Variants in NFIA observed in about 807,000 individuals in gnomAD.
NFIA encodes nuclear factor I A.
NFIA carries 8 observed loss-of-function variants against 62.8 expected under a neutral mutation model. The ratio of observed to expected loss-of-function variants is 0.13; its 90% CI spans 0.07 to 0.23. The LOEUF (loss-of-function observed/expected upper bound fraction) is 0.23, where lower values mean the gene tolerates loss of function less well. Ranked by LOEUF, NFIA falls within the 10% of genes least tolerant of loss-of-function variation. The pLI, the probability that NFIA is intolerant of heterozygous loss-of-function variation, is 1.00. For missense variants in NFIA, 410 were observed against 642.1 expected, an observed-to-expected ratio of 0.64 and a Z score of 3.91; for synonymous variants, 235 against 238.1, an observed-to-expected ratio of 0.99 and a Z score of 0.12.
rs149437799 is a variant in NFIA, at chr1:61,245,424, C to T, written c.560-32096C>T. Among the ~76,000 whole-genome samples, 247 of 151,972 alleles carry T rather than the reference C, an allele frequency of 1.6e-3. 1 individual carries two copies. The highest frequency in any genetic ancestry group is 5.6e-3 in the African/African-American group (233 of 41,486). ...CAAAATGTTTTCCATATATTATGGT[C>T]GAAGCTTTTGTTCTTCAGGGGAAAA... On this transcript the variant is annotated intron_variant, in intron 2 of 10. Transcript: ENST00000403491.
chr1:61,430,105 A>G (rs957667047), intron 10 of NFIA, among the ~76,000 whole-genome samples: 1 of 152,224 alleles, frequency 6.6e-6, no homozygotes, highest in Admixed American at 6.5e-5. Flanking sequence ...CACAATTTTT[A>G]AAACGTGATC....
intron 2 of NFIA, among the ~76,000 whole-genome samples, chr1:61,196,105 G>A (rs1333590677): frequency 1.3e-5 from 2 of 152,172 alleles, no homozygotes; most frequent in Non-Finnish European, 2.9e-5. Context: ...AGTTTGCTTT[G>A]TAGGTATGTT....
chr1:61,081,574 C>T (rs565564297), upstream of NFIA, among the ~76,000 whole-genome samples: 3 of 152,260 alleles, frequency 2.0e-5, no homozygotes, highest in Admixed American at 2.0e-4. Flanking sequence ...TAAAAGATGT[C>T]ACAGCTAAAC....
At chr1:61,231,833 A>G (rs1387502376) in intron 2 of NFIA, among the ~76,000 whole-genome samples, 2 of 151,786 alleles carry the variant, frequency 1.3e-5, no homozygotes, top group South Asian at 2.1e-4. Context: ...CAGAGAGACC[A>G]TGCCTCAGTG....
intron 2 of NFIA, among the ~76,000 whole-genome samples, chr1:61,162,074 T>A (rs1649246433): frequency 6.6e-6 from 1 of 152,244 alleles, no homozygotes; most frequent in Non-Finnish European, 1.5e-5. Context: ...GAATGTTTCC[T>A]TCAGGACCAA....
intron 2 of NFIA, among the ~76,000 whole-genome samples, chr1:61,262,257 C>T (rs577452421): frequency 9.2e-5 from 14 of 152,206 alleles, no homozygotes; most frequent in African/African-American, 3.4e-4. Context: ...TGTGCAAGTA[C>T]CAGCTTTTCA....
At chr1:61,180,609 G>A (rs1473210238) in intron 2 of NFIA, among the ~76,000 whole-genome samples, 1 of 152,086 alleles carries the variant, frequency 6.6e-6, no homozygotes, top group African/African-American at 2.4e-5. Flanking sequence ...CAGAAGTCTT[G>A]GGACTCTCAA....
chr1:61,364,189 T>C (rs1440644452), intron 6 of NFIA, among the ~76,000 whole-genome samples: 5 of 152,096 alleles, frequency 3.3e-5, no homozygotes, highest in African/African-American at 1.2e-4. Context: ...CAAGTGATCC[T>C]CCTGCCTCAG....
intron 5 of NFIA, among the ~76,000 whole-genome samples, chr1:61,356,471 A>C (rs538648871): frequency 6.6e-6 from 1 of 152,340 alleles, no homozygotes; most frequent in East Asian, 1.9e-4. Flanking sequence ...TTATGCCTTA[A>C]GTTTAGCCCT....
At chr1:61,377,046 G>A (rs1203723668) in intron 6 of NFIA, among the ~76,000 whole-genome samples, 5 of 151,542 alleles carry the variant, frequency 3.3e-5, no homozygotes, top group Non-Finnish European at 7.4e-5. Context: ...GTGAAACCCT[G>A]TATCTACTAA....
intron 3 of NFIA, among the ~76,000 whole-genome samples, chr1:61,297,439 A>G (rs1659246910): frequency 6.6e-6 from 1 of 152,192 alleles, no homozygotes; most frequent in Middle Eastern, 3.2e-3. Context: ...AAACAGAAAA[A>G]TAGCCCCATT....
intron 3 of NFIA, among the ~76,000 whole-genome samples, chr1:61,288,315 A>G (rs896284427): frequency 2.6e-5 from 4 of 152,188 alleles, no homozygotes; most frequent in African/African-American, 7.2e-5. Flanking sequence ...AGAAGGGGCC[A>G]TATTTTTCAT....
At chr1:61,429,625 T>C (rs1054825658) in intron 10 of NFIA, among the ~76,000 whole-genome samples, 3 of 152,216 alleles carry the variant, frequency 2.0e-5, no homozygotes, top group African/African-American at 7.2e-5. Flanking sequence ...CTTGTGGTTG[T>C]AGCAGCATTC....
intron 2 of NFIA, among the ~76,000 whole-genome samples, chr1:61,131,228 C>T (rs1231250578): frequency 6.6e-6 from 1 of 150,812 alleles, no homozygotes; most frequent in Non-Finnish European, 1.5e-5. Context: ...ATGCATTTTC[C>T]AGCAACTGGA....
At chr1:61,318,685 T>G (rs1660502023) in intron 3 of NFIA, among the ~76,000 whole-genome samples, 1 of 152,228 alleles carries the variant, frequency 6.6e-6, no homozygotes, top group African/African-American at 2.4e-5. Flanking sequence ...CAATCTGTCC[T>G]GTGGCTTGTT....
chr1:61,244,458 G>A (rs1175976092), intron 2 of NFIA, among the ~76,000 whole-genome samples: 1 of 152,186 alleles, frequency 6.6e-6, no homozygotes, highest in African/African-American at 2.4e-5. Context: ...GCCTGGGTCT[G>A]CCAGGATAGG....
intron 6 of NFIA, among the ~76,000 whole-genome samples, chr1:61,379,321 C>T (rs114939720): frequency 0.07 from 10,503 of 150,036 alleles, 473 homozygotes; most frequent in Admixed American, 0.11. Context: ...CTCCTGGGTT[C>T]ATGTGATCCT....
chr1:61,259,844 A>G (rs1293793167), intron 2 of NFIA, among the ~76,000 whole-genome samples: 2 of 152,226 alleles, frequency 1.3e-5, no homozygotes, highest in Non-Finnish European at 2.9e-5. Context: ...ATGTTTTTAA[A>G]TGACAATTGA....
chr1:61,157,191 T>C (rs1017657964), intron 2 of NFIA, among the ~76,000 whole-genome samples: 4 of 152,230 alleles, frequency 2.6e-5, no homozygotes, highest in African/African-American at 7.2e-5. Flanking sequence ...TTTTTTGTTT[T>C]TGACATAAAA....
Sources: allele counts gnomAD v4.1 joint callset (sites outside exome capture counted in the v4.1 genomes callset), GRCh38; gene constraint gnomAD v4.1.1; transcripts MANE v1.5; gene names NCBI Gene and HGNC (gene_info 2026-07-23, HGNC 2026-07-21).